SPART: variants seen among roughly 807,000 people sequenced by gnomAD.
SPART encodes the protein spartin, also known as spastic paraplegia 20 (Troyer syndrome).
A neutral mutation model predicts 58.7 loss-of-function variants in SPART; 35 were observed. That is an observed-to-expected ratio of 0.60 (90% CI 0.46 to 0.79). The LOEUF is 0.79. Among genes scored for constraint, SPART ranks in the 30% least tolerant of loss-of-function variants. SPART has a pLI of 0.00. For missense variants in SPART, 730 were observed against 786.1 expected (o/e 0.93, Z 0.85); for synonymous variants, 284 against 280.7 (o/e 1.01, Z -0.12).
At chr13:36,364,251 C>T (rs1489187748) in intron 1 of SPART, among the ~76,000 whole-genome samples, 2 of 152,198 alleles carry the variant, frequency 1.3e-5, no homozygotes, top group Non-Finnish European at 2.9e-5. Context: ...CTCACCATTT[C>T]CTGGCCTACT....
intron 2 of SPART, among the ~76,000 whole-genome samples, chr13:36,333,429 A>ATTTTTTT (rs34312130): frequency 1.5e-5 from 2 of 132,320 alleles, no homozygotes; most frequent in Non-Finnish European, 3.1e-5. Flanking sequence ...TTATTATTGT[A>ATTTTTTT]TTTTTTTTTT....
chr13:36,350,942 A>G (rs1186205561), upstream of SPART, among the ~76,000 whole-genome samples: 2 of 152,216 alleles, frequency 1.3e-5, no homozygotes, highest in Non-Finnish European at 2.9e-5. Flanking sequence ...AAATTTCTGC[A>G]TACCTCCAGT....
chr13:36,338,737 T>C (rs1884268551), intron 1 of SPART, among the ~76,000 whole-genome samples: 1 of 152,222 alleles, frequency 6.6e-6, no homozygotes. Context: ...CACAGCCTTC[T>C]TCCCCACAAC....
chr13:36,330,951 C>G (rs909278057), intron 3 of SPART, among the ~76,000 whole-genome samples: 3 of 152,146 alleles, frequency 2.0e-5, no homozygotes, highest in African/African-American at 7.2e-5. Context: ...TTCATGTCAC[C>G]ATTTAGACCC....
At position 36,312,456 on chromosome 13, in the gene SPART, G is replaced by A; in HGVS notation, c.1505C>T (p.Ala502Val). The change falls in exon 7 of 9, where the codon GCA becomes GTA. Residue 502 changes from alanine (A) to valine (V), a missense_variant. Transcript: ENST00000438666. ...QFLVDGVCTV[A>V]NCVGKELAPH... ...AGCTAGTTCTTTTCCAACGCAATTT[G>A]CTACAGTGCAAACTCCATCAACTAA... 6.2e-7 allele frequency: 1 copy of A among 1,614,034 alleles called. No homozygotes were observed. Among genetic ancestry groups the A allele is most frequent in the South Asian group, 1.1e-5 (1 of 91,068 alleles).
At chr13:36,348,131 C>T (rs1370335448), upstream of SPART, among the ~76,000 whole-genome samples, 2 of 151,998 alleles carry the variant, frequency 1.3e-5, no homozygotes, top group Non-Finnish European at 2.9e-5. Context: ...CAAAAAAACA[C>T]AAAAATTAGC....
intron 5 of SPART, among the ~76,000 whole-genome samples, chr13:36,315,154 C>T (rs1051868363): frequency 1.3e-5 from 2 of 152,136 alleles, no homozygotes; most frequent in Admixed American, 6.5e-5. Context: ...CTTATGTTCT[C>T]GCAGCTTGAA....
intron 5 of SPART, among the ~76,000 whole-genome samples, chr13:36,315,189 C>T (rs1188257038): frequency 6.6e-6 from 1 of 152,100 alleles, no homozygotes; most frequent in African/African-American, 2.4e-5. Context: ...ACCAGAGGAA[C>T]AGAGGGATGG....
At position 36,331,598 on chromosome 13, in the gene SPART, T is replaced by A. The variant is rs1883469123; in HGVS notation, c.811-2A>T. 6.2e-7 allele frequency: 1 copy of A among 1,610,280 alleles called. No individual in the cohort carries two copies. The highest frequency in any genetic ancestry group is 2.2e-5 in the East Asian group (1 of 44,846). ...TAGAGGATATAACCAGTCACAAACC[T>A]GAAAGGATTCATTAGAAGAAAAAAA... On this transcript the variant is annotated splice_acceptor_variant, in intron 2 of 8. Coordinates refer to ENST00000438666, the MANE Select transcript of SPART (RefSeq NM_015087.5). LOFTEE classifies it high-confidence loss of function.
intron 5 of SPART, among the ~76,000 whole-genome samples, chr13:36,319,545 C>T (rs1593237494): frequency 6.6e-6 from 1 of 152,094 alleles, no homozygotes; most frequent in Non-Finnish European, 1.5e-5. Context: ...TTTTACCTGT[C>T]CTGAAACCAG....
At chr13:36,316,178 A>G (rs1043107605) in intron 5 of SPART, among the ~76,000 whole-genome samples, 4 of 152,248 alleles carry the variant, frequency 2.6e-5, no homozygotes, top group Admixed American at 1.3e-4. Context: ...ACATTGGCAG[A>G]TATTAAAATT....
At position 36,302,707 on chromosome 13, in the gene SPART, T is replaced by A. The variant is rs1280473733; in HGVS notation, c.*1658A>T. ...TTTATAATAATTACATCAGGGTGTATCTACTGCTTCAAGCATTCATTTGTG... is the reference window on the plus strand; with the variant it reads ...TTTATAATAATTACATCAGGGTGTAACTACTGCTTCAAGCATTCATTTGTG... On this transcript the variant is annotated 3_prime_UTR_variant, in exon 9 of 9. Transcript: ENST00000438666. The A allele has an allele frequency of 6.6e-6, 1 of 152,198 alleles. No individual in the cohort carries two copies. The highest frequency in any genetic ancestry group is 2.4e-5 in the African/African-American group (1 of 41,464). The allele number at this position is 152,198 out of a possible 1,614,324, so 9.4% of individuals were successfully genotyped here.
At chr13:36,363,166 G>A (rs913435309) in intron 1 of SPART, among the ~76,000 whole-genome samples, 8 of 152,188 alleles carry the variant, frequency 5.3e-5, no homozygotes, top group African/African-American at 1.2e-4. Flanking sequence ...TTTGCCTGAC[G>A]ATCTGTGAGA....
chr13:36,339,240 G>C (rs1349735203), intron 1 of SPART, among the ~76,000 whole-genome samples: 8 of 152,038 alleles, frequency 5.3e-5, no homozygotes, highest in Non-Finnish European at 1.0e-4. Flanking sequence ...ACGCAGGAAG[G>C]AAAAACTCAA....
At chr13:36,358,476 A>G (rs916444525) in intron 1 of SPART, among the ~76,000 whole-genome samples, 1 of 152,228 alleles carries the variant, frequency 6.6e-6, no homozygotes, top group African/African-American at 2.4e-5. Context: ...GGCTCGAACA[A>G]TTGGTACTGT....
intron 1 of SPART, among the ~76,000 whole-genome samples, chr13:36,366,131 C>T (rs1886044979): frequency 6.6e-6 from 1 of 152,174 alleles, no homozygotes; most frequent in African/African-American, 2.4e-5. Context: ...AATCTAAATA[C>T]GTTAGAAAGG....
intron 5 of SPART, chr13:36,326,361 T>C: frequency 1.8e-6 from 1 of 567,394 alleles, no homozygotes; most frequent in South Asian, 2.1e-5. Flanking sequence ...TTCCCAATAG[T>C]AGAACAGAAT....
At chr13:36,359,369 T>G (rs1885748930) in intron 1 of SPART, among the ~76,000 whole-genome samples, 1 of 152,240 alleles carries the variant, frequency 6.6e-6, no homozygotes, top group African/African-American at 2.4e-5. Context: ...TCTTATTGTT[T>G]ATCCAATTCC....
Position 36,314,371 on chromosome 13 carries a change from T to TA in SPART, c.1338dup (p.Lys447Ter). 1 of 1,614,116 alleles carries TA rather than the reference T, an allele frequency of 6.2e-7. No individual in the cohort carries two copies. Among genetic ancestry groups the TA allele is most frequent in the South Asian group, 1.1e-5 (1 of 91,080 alleles). On this transcript the variant is annotated frameshift_variant, in exon 6 of 9. Transcript: ENST00000438666. LOFTEE classifies it high-confidence loss of function. ...TTAGAAGCACCTTTCTGGATTGCCT[T>TA]ACCAGTAATCTCAGCACCTTTGACT...
Sources: allele counts gnomAD v4.1 joint callset (sites outside exome capture counted in the v4.1 genomes callset), GRCh38; gene constraint gnomAD v4.1.1; transcripts MANE v1.5; gene names NCBI Gene and HGNC (gene_info 2026-07-23, HGNC 2026-07-21).